The following PTPRA variants were observed in gnomAD, a reference collection of about 807,000 sequenced individuals.
The protein encoded by PTPRA is receptor-type tyrosine-protein phosphatase alpha.
PTPRA carries 25 observed loss-of-function variants against 104.8 expected under a neutral mutation model. The ratio of observed to expected loss-of-function variants is 0.24; its 90% confidence interval spans 0.17 to 0.33. The LOEUF (loss-of-function observed/expected upper bound fraction) is 0.33. Among genes scored for constraint, PTPRA ranks in the 10% least tolerant of loss-of-function variants. The probability of loss-of-function intolerance (pLI) is 1.00; values close to 1 mark genes in which losing one functional copy is unlikely to be tolerated. For missense variants in PTPRA, 765 were observed against 1,015.3 expected (o/e 0.75, Z 3.35); for synonymous variants, 323 against 368.9 (o/e 0.88, Z 1.43).
chr20:3,014,115 AT>A (rs1296476353), intron 11 of PTPRA, among the ~76,000 whole-genome samples: 1 of 152,230 alleles, frequency 6.6e-6, no homozygotes, highest in African/African-American at 2.4e-5. Context: ...CTCAGTTTTA[AT>A]TATAAGTTTA....
chr20:2,975,910 G>A (rs768065217), intron 6 of PTPRA, among the ~76,000 whole-genome samples: 18 of 152,154 alleles, frequency 1.2e-4, no homozygotes, highest in Admixed American at 2.6e-4. Flanking sequence ...GTTACTATTC[G>A]AAGCAGTGTT....
At chr20:3,009,012 G>C (rs1195180696) in intron 11 of PTPRA, among the ~76,000 whole-genome samples, 1 of 152,130 alleles carries the variant, frequency 6.6e-6, no homozygotes, top group East Asian at 1.9e-4. Context: ...GTGAACATAA[G>C]AAGGGCTGTT....
intron 1 of PTPRA, among the ~76,000 whole-genome samples, chr20:2,885,770 T>G (rs1475200839): frequency 2.0e-5 from 3 of 152,118 alleles, no homozygotes; most frequent in African/African-American, 7.2e-5. Context: ...TGCTACAGAT[T>G]AAAAAAGACT....
At chr20:3,023,857 G>A (rs992035588) in intron 16 of PTPRA, among the ~76,000 whole-genome samples, 1 of 152,208 alleles carries the variant, frequency 6.6e-6, no homozygotes, top group Non-Finnish European at 1.5e-5. Context: ...CCCACCTGAC[G>A]AGAAACATCC....
intron 13 of PTPRA, among the ~76,000 whole-genome samples, chr20:3,018,333 A>G (rs1045573360): frequency 6.6e-6 from 1 of 152,044 alleles, no homozygotes; most frequent in African/African-American, 2.4e-5. Context: ...AAACAAGTGA[A>G]CAAAGGTCTC....
At chr20:2,895,293 C>G (rs1286401581) in intron 1 of PTPRA, among the ~76,000 whole-genome samples, 1 of 151,904 alleles carries the variant, frequency 6.6e-6, no homozygotes, top group Non-Finnish European at 1.5e-5. Flanking sequence ...CCAGGCTGGT[C>G]TAGAACTCCT....
At chr20:3,031,374 C>T (rs1359394061) in intron 20 of PTPRA, among the ~76,000 whole-genome samples, 1 of 151,800 alleles carries the variant, frequency 6.6e-6, no homozygotes, top group Non-Finnish European at 1.5e-5. Flanking sequence ...CTCCAGTCCC[C>T]AGCTTTTCTT....
At chr20:2,895,158 C>T (rs1456408286) in intron 1 of PTPRA, among the ~76,000 whole-genome samples, 1 of 152,032 alleles carries the variant, frequency 6.6e-6, no homozygotes, top group Non-Finnish European at 1.5e-5. Flanking sequence ...TCACTGCAAC[C>T]TCTGCCTCCC....
chr20:2,865,784 AG>A, the PTPRA span: 3 of 493,864 alleles, frequency 6.1e-6, no homozygotes, highest in Non-Finnish European at 1.1e-5. This position sits in a 1 kb window ranked among gnomAD's most constrained non-coding sequence, Gnocchi z 5.2. Flanking sequence ...GTCTTGTCTG[AG>A]GAGGGTGGAG....
chr20:2,873,922 A>T lies in PTPRA; in HGVS notation c.-129+162A>T, dbSNP rs2089526068. ...GCGGGCGCCTGCAGGTTGATTGTGC[A>T]TCCTTGCGGGTCCGTCGCGGGGAGG... On this transcript the variant is annotated intron_variant, in intron 1 of 23. Transcript: ENST00000399903. The surrounding 1 kb of genome is among the most constrained non-coding windows in gnomAD (Gnocchi z 4.4). Among the ~76,000 whole-genome samples the T allele has an allele frequency of 6.6e-6, 1 of 151,996 alleles. No individual in the cohort carries two copies.
chr20:2,865,863 T>G, the PTPRA span: 2 of 460,768 alleles, frequency 4.3e-6, no homozygotes, highest in East Asian at 8.5e-5. The surrounding 1 kb of genome is among the most constrained non-coding windows in gnomAD (Gnocchi z 5.2). Context: ...GGTGGGTAGT[T>G]CAGAGGTGTA....
chr20:2,910,419 A>ATTTTAT (rs1390038734), intron 1 of PTPRA, among the ~76,000 whole-genome samples: 45 of 91,484 alleles, frequency 4.9e-4, no homozygotes, highest in South Asian at 2.8e-3. Context: ...TATATTATAT[A>ATTTTAT]ATATATAAAA....
At chr20:2,982,815 GC>G (rs1227519721) in intron 6 of PTPRA, among the ~76,000 whole-genome samples, 1 of 151,906 alleles carries the variant, frequency 6.6e-6, no homozygotes, top group Non-Finnish European at 1.5e-5. Context: ...TCCTGCCTCA[GC>G]CTCCTAAGTA....
chr20:2,887,327 T>C (rs2090443982), intron 1 of PTPRA, among the ~76,000 whole-genome samples: 1 of 152,198 alleles, frequency 6.6e-6, no homozygotes, highest in Non-Finnish European at 1.5e-5. Context: ...GGATGTATAC[T>C]CTTATTTATT....
intron 9 of PTPRA, among the ~76,000 whole-genome samples, chr20:2,991,705 T>G (rs1312207401): frequency 1.3e-5 from 2 of 152,126 alleles, no homozygotes; most frequent in East Asian, 1.9e-4. Flanking sequence ...GTGAGAGCCA[T>G]TTGCTGTGCT....
chr20:3,005,871 T>C (rs1375323380), intron 10 of PTPRA, among the ~76,000 whole-genome samples: 3 of 152,106 alleles, frequency 2.0e-5, no homozygotes, highest in Non-Finnish European at 4.4e-5. Context: ...AGTTGATCCA[T>C]AAGCTAACAG....
At chr20:2,892,654 T>A (rs1182278199) in intron 1 of PTPRA, among the ~76,000 whole-genome samples, 4 of 152,222 alleles carry the variant, frequency 2.6e-5, no homozygotes. Context: ...TGAACACATT[T>A]AAGGTAGGCT....
chr20:3,018,875 C>T (rs2064634800), intron 13 of PTPRA, among the ~76,000 whole-genome samples: 1 of 111,968 alleles, frequency 8.9e-6, no homozygotes, highest in Non-Finnish European at 1.8e-5. Flanking sequence ...ACCTCCCTCC[C>T]GGACGGGGTG....
At chr20:2,922,823 C>G (rs1486036200) in intron 1 of PTPRA, among the ~76,000 whole-genome samples, 3 of 151,260 alleles carry the variant, frequency 2.0e-5, no homozygotes, top group Admixed American at 6.6e-5. Flanking sequence ...TTAGTAGATG[C>G]AGGATTTCAG....
Sources: gnomAD v4.1 joint callset for allele counts (sites outside exome capture counted in the v4.1 genomes callset) on GRCh38, gnomAD v4.1.1 for gene constraint, Gnocchi (gnomAD v3.1) non-coding constraint, MANE v1.5 for transcripts, NCBI Gene and HGNC (gene_info 2026-07-23, HGNC 2026-07-21) for gene names.